FMN1: variants seen among roughly 807,000 people sequenced by gnomAD.
The protein encoded by FMN1 is formin 1.
In FMN1, 110 loss-of-function variants were observed where a neutral mutation model predicts 132.4. The observed-to-expected ratio is 0.83, with a 90% CI of 0.71 to 0.97. The LOEUF (loss-of-function observed/expected upper bound fraction) is 0.97, where lower values mean the gene tolerates loss of function less well. Ranked by LOEUF, FMN1 falls within the 50% of genes least tolerant of loss-of-function variation. FMN1 has a pLI of 0.00. For synonymous variants in FMN1, 722 were observed against 651.7 expected (o/e 1.11, Z -1.64); for missense variants, 1,792 against 1,705.3 (o/e 1.05, Z -0.90).
chr15:33,021,079 G>T (rs377504463), intron 6 of FMN1, among the ~76,000 whole-genome samples: 44 of 152,216 alleles, frequency 2.9e-4, no homozygotes, highest in African/African-American at 9.6e-4. Flanking sequence ...ACTTGCCTCC[G>T]GTACTCCTGC....
intron 2 of FMN1, among the ~76,000 whole-genome samples, chr15:33,182,306 T>A (rs553705124): frequency 2.0e-5 from 3 of 152,226 alleles, no homozygotes; most frequent in Admixed American, 6.5e-5. Flanking sequence ...ACTCTTCTCA[T>A]GCATAAAGCA....
At chr15:33,013,438 A>T (rs758919783) in intron 6 of FMN1, among the ~76,000 whole-genome samples, 4 of 152,012 alleles carry the variant, frequency 2.6e-5, no homozygotes, top group African/African-American at 4.8e-5. Context: ...GCAAGCAATA[A>T]TATTAACAAA....
intron 6 of FMN1, among the ~76,000 whole-genome samples, chr15:33,053,324 C>T (rs2037066127): frequency 1.3e-5 from 2 of 152,334 alleles, no homozygotes; most frequent in Non-Finnish European, 2.9e-5. Context: ...GGCATTGCCA[C>T]ATTCCCCTTG....
intron 5 of FMN1, among the ~76,000 whole-genome samples, chr15:33,075,758 A>G (rs767397269): frequency 2.0e-5 from 3 of 152,176 alleles, no homozygotes; most frequent in Non-Finnish European, 2.9e-5. Flanking sequence ...GTGCCTTAGC[A>G]CTGACATTTT....
intron 4 of FMN1, among the ~76,000 whole-genome samples, chr15:33,098,582 C>T (rs1310215661): frequency 6.6e-6 from 1 of 152,204 alleles, no homozygotes; most frequent in African/African-American, 2.4e-5. Flanking sequence ...TATTCTTACA[C>T]AGGCACTCAG....
chr15:33,119,700 A>AT (rs1282074079), intron 4 of FMN1, among the ~76,000 whole-genome samples: 1 of 152,136 alleles, frequency 6.6e-6, no homozygotes, highest in African/African-American at 2.4e-5. Context: ...AAATTTTTTC[A>AT]TTTTTTTGAA....
At chr15:32,975,812 T>C (rs948874598) in intron 7 of FMN1, among the ~76,000 whole-genome samples, 7 of 152,176 alleles carry the variant, frequency 4.6e-5, no homozygotes, top group African/African-American at 7.2e-5. Flanking sequence ...TGATTAGGAA[T>C]TGGACTCTAG....
chr15:32,932,819 A>C (rs1251574696), intron 9 of FMN1, among the ~76,000 whole-genome samples: 1 of 152,110 alleles, frequency 6.6e-6, no homozygotes, highest in Non-Finnish European at 1.5e-5. Flanking sequence ...TAATCCTTCC[A>C]GTTCTGTGGC....
rs147606436 is a variant in FMN1, at chr15:32,983,400, C to T, written c.2224-13923G>A. On this transcript the variant is annotated intron_variant, in intron 7 of 20. Coordinates refer to ENST00000616417, the MANE Select transcript of FMN1 (RefSeq NM_001277313.2). The stretch of plus-strand genomic sequence containing the variant: ...CCAATGGACACAGGGAAATTGTTTA[C>T]GGTAATGGAAATGTTCTACATCCTG... Among the ~76,000 whole-genome samples the T allele has an allele frequency of 1.5e-4, 23 of 152,186 alleles. No individual in the cohort carries two copies. In the East Asian group the frequency reaches 3.7e-3, roughly 24 times the overall value.
At chr15:32,964,552 T>C (rs2031001819) in intron 8 of FMN1, among the ~76,000 whole-genome samples, 1 of 152,172 alleles carries the variant, frequency 6.6e-6, no homozygotes, top group Non-Finnish European at 1.5e-5. Flanking sequence ...TTCGGATTCC[T>C]GGGGGCACCC....
At chr15:32,872,344 T>C (rs1305671642) in intron 16 of FMN1, among the ~76,000 whole-genome samples, 2 of 152,270 alleles carry the variant, frequency 1.3e-5, no homozygotes, top group East Asian at 3.9e-4. Flanking sequence ...TCAAGAAGCA[T>C]ACAGGTATCA....
chr15:32,839,471 C>A (rs3110556), intron 17 of FMN1, among the ~76,000 whole-genome samples: 146,171 of 152,058 alleles, frequency 0.96, 70,490 homozygotes, highest in East Asian at 1. Context: ...ACTTGAGCAC[C>A]AGGGACCTGA....
intron 16 of FMN1, among the ~76,000 whole-genome samples, chr15:32,868,603 T>C (rs1375785872): frequency 1.3e-5 from 2 of 152,168 alleles, no homozygotes; most frequent in African/African-American, 4.8e-5. Context: ...CATATGCACA[T>C]ACACCGACAC....
At position 32,968,721 on chromosome 15, in the gene FMN1, C is replaced by A; in HGVS notation, c.2980G>T (p.Asp994Tyr). The A allele has an allele frequency of 6.2e-7, 1 of 1,613,496 alleles. No homozygotes were observed. Among genetic ancestry groups the A allele is most frequent in the South Asian group, 1.1e-5 (1 of 91,020 alleles). The change falls in exon 8 of 21, where the codon GAT becomes TAT. Residue 994 changes from aspartate (D) to tyrosine (Y), a missense_variant. Around this residue, in one of 3 missense-constraint regions of FMN1, gnomAD observed 1,150 missense variants for 1,043.1 expected, o/e 1.10. Coordinates refer to ENST00000616417, the MANE Select transcript of FMN1 (RefSeq NM_001277313.2). ...PLYWTRIQIS[D>Y]RSQNATPTLW... ...GGATAGGGGAGAACTTACCTCCTAT[C>A]ACTTATTTGTATCCTAGTCCAATAT...
chr15:32,829,789 G>T (rs916954483), intron 17 of FMN1, among the ~76,000 whole-genome samples: 1 of 152,146 alleles, frequency 6.6e-6, no homozygotes, highest in Non-Finnish European at 1.5e-5. Flanking sequence ...CAACTATTTT[G>T]TTACCAGCAT....
intron 12 of FMN1, among the ~76,000 whole-genome samples, chr15:32,906,619 G>A (rs552377622): frequency 4.7e-4 from 72 of 152,298 alleles, no homozygotes; most frequent in African/African-American, 1.6e-3. Context: ...GCTTTGATAT[G>A]CCCACTGTGC....
In FMN1 at chr15:32,777,668, A is replaced by ATAACACATTTATATATTACGTATAACG. The variant is rs1491252978; in HGVS notation, c.4131-750_4131-749insCGTTATACGTAATATATAAATGTGTTA. Among the ~76,000 whole-genome samples, 3 of 102,706 alleles carry ATAACACATTTATATATTACGTATAACG rather than the reference A, an allele frequency of 2.9e-5. 1 individual carries two copies. The highest frequency in any genetic ancestry group is 1.1e-4 in the African/African-American group (3 of 27,370). 67.4% of individuals were successfully genotyped at this position (102,706 alleles called of 152,430 possible). On this transcript the variant is annotated intron_variant, in intron 19 of 20. Transcript: ENST00000616417. Reference sequence around the variant, plus strand: ...AACACATTTATATATTACGTATAACATAACACATTTATATATTACGTATAA... The same window carrying ATAACACATTTATATATTACGTATAACG: ...AACACATTTATATATTACGTATAACATAACACATTTATATATTACGTATAACGTAACACATTTATATATTACGTATAA...
chr15:32,951,737 A>G (rs902877456), intron 9 of FMN1, among the ~76,000 whole-genome samples: 24 of 152,206 alleles, frequency 1.6e-4, no homozygotes, highest in African/African-American at 5.8e-4. Context: ...GCAGACATTA[A>G]TATTACTCTT....
intron 4 of FMN1, among the ~76,000 whole-genome samples, chr15:33,149,469 G>T (rs192782562): frequency 2.6e-5 from 4 of 152,186 alleles, no homozygotes; most frequent in African/African-American, 7.2e-5. Context: ...TGCCACTACA[G>T]ACAATGCTGC....
Sources: allele counts gnomAD v4.1 joint callset (sites outside exome capture counted in the v4.1 genomes callset), GRCh38; gene constraint gnomAD v4.1.1; regional missense constraint gnomAD v4.1.1; transcripts MANE v1.5; gene names NCBI Gene and HGNC (gene_info 2026-07-23, HGNC 2026-07-21).